Variants in BABAM2 observed in about 807,000 individuals in gnomAD.
The protein encoded by BABAM2 is BRISC and BRCA1 A complex member 2.
A neutral mutation model predicts 54.7 loss-of-function variants in BABAM2; 31 were observed. The observed-to-expected ratio is 0.57, with a 90% confidence interval of 0.43 to 0.77. The LOEUF (loss-of-function observed/expected upper bound fraction) is 0.77, where lower values mean the gene tolerates loss of function less well. Ranked by LOEUF, BABAM2 falls within the 30% of genes least tolerant of loss-of-function variation. The pLI, the probability that BABAM2 is intolerant of heterozygous loss-of-function variation, is 0.00. For synonymous variants in BABAM2, 167 were observed against 162.9 expected (o/e 1.03, Z -0.19); for missense variants, 364 against 455.8 (o/e 0.80, Z 1.83).
intron 6 of BABAM2, among the ~76,000 whole-genome samples, chr2:28,069,137 C>A (rs1160377770): frequency 6.6e-6 from 1 of 152,180 alleles, no homozygotes; most frequent in Admixed American, 6.5e-5. Flanking sequence ...TTGTTCTCTT[C>A]CTCTCTTGTT....
intron 4 of BABAM2, among the ~76,000 whole-genome samples, chr2:28,022,368 T>C (rs1675335901): frequency 6.6e-6 from 1 of 152,274 alleles, no homozygotes; most frequent in Admixed American, 6.5e-5. Flanking sequence ...GTCTCAATTA[T>C]TGTTTACACG....
upstream of BABAM2, chr2:27,890,043 C>T (rs758393950): frequency 1.4e-4 from 74 of 525,610 alleles, no homozygotes; most frequent in Non-Finnish European, 2.2e-4. The surrounding 1 kb of genome is among the most constrained non-coding windows in gnomAD (Gnocchi z 4.8). Context: ...TAAACCCTGG[C>T]CTATTACGTC....
chr2:28,153,897 A>G (rs2147787674), intron 7 of BABAM2, among the ~76,000 whole-genome samples: 1 of 152,300 alleles, frequency 6.6e-6, no homozygotes, highest in South Asian at 2.1e-4. Flanking sequence ...TCTGTGGTCT[A>G]TCTTGATTTG....
At chr2:28,008,289 C>A (rs1674118783) in intron 4 of BABAM2, among the ~76,000 whole-genome samples, 1 of 152,126 alleles carries the variant, frequency 6.6e-6, no homozygotes, top group Non-Finnish European at 1.5e-5. Flanking sequence ...ACACCTGATG[C>A]ATCTACCATA....
intron 3 of BABAM2, among the ~76,000 whole-genome samples, chr2:27,936,974 AT>A (rs1201353167): frequency 2.6e-5 from 4 of 152,178 alleles, no homozygotes; most frequent in South Asian, 2.1e-4. Flanking sequence ...ATTAAAAAAA[AT>A]AAAATCAGGT....
upstream of BABAM2, chr2:27,890,398 A>T: frequency 6.5e-7 from 1 of 1,538,522 alleles, no homozygotes; most frequent in African/African-American, 1.4e-5. The surrounding 1 kb of genome is among the most constrained non-coding windows in gnomAD (Gnocchi z 4.8). Flanking sequence ...CCTTTGCCCG[A>T]CCCCGTAACC....
chr2:28,253,501 G>C (rs1365875349), intron 10 of BABAM2, among the ~76,000 whole-genome samples: 1 of 151,874 alleles, frequency 6.6e-6, no homozygotes, highest in Non-Finnish European at 1.5e-5. Flanking sequence ...ATCTTTCTGA[G>C]GTTAATTACC....
chr2:27,894,956 TA>T (rs1418339998), intron 2 of BABAM2: 1 of 372,778 alleles, frequency 2.7e-6, no homozygotes, highest in Non-Finnish European at 4.9e-6. Flanking sequence ...GTCAGAGTTT[TA>T]AAAGTGTGTT....
chr2:28,056,992 T>C (rs1384628091), intron 6 of BABAM2, among the ~76,000 whole-genome samples: 4 of 152,222 alleles, frequency 2.6e-5, no homozygotes, highest in Admixed American at 6.5e-5. Context: ...ATGCAATTTT[T>C]TAAGGAATGC....
chr2:28,307,346 A>G (rs1688648457), intron 11 of BABAM2, among the ~76,000 whole-genome samples: 1 of 151,106 alleles, frequency 6.6e-6, no homozygotes, highest in African/African-American at 2.4e-5. Flanking sequence ...TTTAATATAA[A>G]TAATAAGCTT....
chr2:27,929,915 A>G lies in BABAM2; in HGVS notation c.205+7A>G, dbSNP rs764770467. ...GCTGGAGAGACATTAAAGTGTAAGT[A>G]AATGATGACTATTTTACTCAAAATG... On this transcript the variant is annotated splice_region_variant and intron_variant, in intron 3 of 11. Transcript: ENST00000379624. The G allele has an allele frequency of 1.2e-6, 2 of 1,605,296 alleles. No homozygotes were observed. Among genetic ancestry groups the G allele is most frequent in the Admixed American group, 1.7e-5 (1 of 59,986 alleles).
Position 27,980,747 on chromosome 2 carries a change from A to C in BABAM2, c.206-7246A>C, listed in dbSNP as rs188450902. Among the ~76,000 whole-genome samples, 1,371 of 147,694 alleles carry C rather than the reference A, an allele frequency of 9.3e-3. 11 individuals carry two copies. The highest frequency in any genetic ancestry group is 0.016 in the Non-Finnish European group (1,063 of 66,514). On this transcript the variant is annotated intron_variant, in intron 3 of 11. Transcript: ENST00000379624. ...CATATCTTTTCCTTAAAAAAAAAAA[A>C]CTTTATTATATATTCAAATACTGGT...
At chr2:27,989,503 T>C (rs559586144) in intron 4 of BABAM2, among the ~76,000 whole-genome samples, 1 of 152,326 alleles carries the variant, frequency 6.6e-6, no homozygotes, top group South Asian at 2.1e-4. Context: ...CAGAAGGCAC[T>C]GACAGGTTTG....
chr2:27,988,760 C>T lies in BABAM2; in HGVS notation c.300+673C>T, dbSNP rs376545490. On this transcript the variant is annotated intron_variant, in intron 4 of 11. Coordinates refer to ENST00000379624, the MANE Select transcript of BABAM2 (RefSeq NM_199191.3). Reference sequence around the variant, plus strand: ...CATGGTGGATGGAGAAAAACACATGCCATTTTGTTTAAATGGTTCTGACCA... The same window carrying T: ...CATGGTGGATGGAGAAAAACACATGTCATTTTGTTTAAATGGTTCTGACCA... Among the ~76,000 whole-genome samples, 41 of 152,154 alleles carry T rather than the reference C, an allele frequency of 2.7e-4. 1 individual carries two copies. Among genetic ancestry groups the T allele is most frequent in the African/African-American group, 9.6e-4 (40 of 41,506 alleles).
At chr2:28,173,761 G>A (rs530552824) in intron 7 of BABAM2, among the ~76,000 whole-genome samples, 15 of 152,240 alleles carry the variant, frequency 9.9e-5, no homozygotes, top group East Asian at 7.7e-4. Context: ...TTATCAATTC[G>A]TCGTTTGATA....
In BABAM2 at chr2:28,279,660, C is replaced by CTTT. The variant is rs59747836; in HGVS notation, c.935-18658_935-18656dup. 2.1e-3 allele frequency among the ~76,000 whole-genome samples: 212 copies of CTTT among 100,226 alleles called. 4 individuals carry two copies. The highest frequency in any genetic ancestry group is 4.0e-3 in the African/African-American group (92 of 22,946). 65.8% of individuals were successfully genotyped at this position (100,226 alleles called of 152,430 possible). On this transcript the variant is annotated intron_variant, in intron 10 of 11. Coordinates refer to ENST00000379624, the MANE Select transcript of BABAM2 (RefSeq NM_199191.3). Reference sequence around the variant, plus strand: ...TAGTGCAGACAGGGCAGCTCAAAGGCTTTTTTTTTTTTTTTTTTTTTTGAG... The same window carrying CTTT: ...TAGTGCAGACAGGGCAGCTCAAAGGCTTTTTTTTTTTTTTTTTTTTTTTTTGAG...
At position 28,268,021 on chromosome 2, in the gene BABAM2, G is replaced by A. The variant is rs191914813; in HGVS notation, c.934+23159G>A. Among the ~76,000 whole-genome samples, 1,078 of 152,158 alleles carry A rather than the reference G, an allele frequency of 7.1e-3. 13 individuals are homozygous for A. Among genetic ancestry groups the A allele is most frequent in the South Asian group, 0.049 (237 of 4,830 alleles). On this transcript the variant is annotated intron_variant, in intron 10 of 11. Transcript: ENST00000379624. ...AACTGTATCTATACACAATAAAGAC[G>A]AAATCTTAGAACCCTAATATTGACT... is the stretch of plus-strand genomic sequence containing the variant.
intron 5 of BABAM2, among the ~76,000 whole-genome samples, chr2:28,026,805 A>AAATATAAATATATATTTATATATATAAAT (rs1675722276): frequency 1.3e-5 from 1 of 76,554 alleles, no homozygotes; most frequent in Non-Finnish European, 2.5e-5. Flanking sequence ...TTATATAAAA[A>AAATATAAATATATATTTATATATATAAAT]ATATATAAAT....
chr2:28,062,434 G>A (rs1327935988), intron 6 of BABAM2, among the ~76,000 whole-genome samples: 3 of 151,256 alleles, frequency 2.0e-5, no homozygotes, highest in African/African-American at 7.3e-5. Flanking sequence ...GTGGTGGTGC[G>A]TGCCTGTAGT....
Sources: gnomAD v4.1 joint callset for allele counts (sites outside exome capture counted in the v4.1 genomes callset) on GRCh38, gnomAD v4.1.1 for gene constraint, Gnocchi (gnomAD v3.1) non-coding constraint, MANE v1.5 for transcripts, NCBI Gene and HGNC (gene_info 2026-07-23, HGNC 2026-07-21) for gene names.